PDZD2: variants seen among roughly 807,000 people sequenced by gnomAD.
PDZD2 encodes the protein PDZ domain-containing protein 2.
A neutral mutation model predicts 220.7 loss-of-function variants in PDZD2; 90 were observed. The ratio of observed to expected loss-of-function variants is 0.41; its 90% CI spans 0.34 to 0.49. PDZD2 has a LOEUF of 0.49. Ranked by LOEUF, PDZD2 falls within the 20% of genes least tolerant of loss-of-function variation. The probability of loss-of-function intolerance (pLI) is 0.28; values close to 1 mark genes in which losing one functional copy is unlikely to be tolerated. For synonymous variants in PDZD2, 1,375 were observed against 1,450.5 expected (o/e 0.95, Z 1.18); for missense variants, 3,174 against 3,608.5 (o/e 0.88, Z 3.08).
rs1016336625 is a variant in PDZD2, at chr5:32,087,033, G to A, written c.3683-98G>A. On this transcript the variant is annotated intron_variant, in intron 19 of 24. Coordinates refer to ENST00000438447, the MANE Select transcript of PDZD2 (RefSeq NM_178140.4). The surrounding 1 kb of genome is among the most constrained non-coding windows in gnomAD (Gnocchi z 4.0). ...ATTTGAGGTTGTTTATAATTTTCTAGTTTTTAATAATTGAGGGGCTGCTTT... is the reference window on the plus strand; with the variant it reads ...ATTTGAGGTTGTTTATAATTTTCTAATTTTTAATAATTGAGGGGCTGCTTT... 9.8e-6 allele frequency: 7 copies of A among 715,270 alleles called. No homozygotes were observed. In the African/African-American group the frequency reaches 1.2e-4, roughly 13 times the overall value. 44.3% of individuals were successfully genotyped at this position (715,270 alleles called of 1,614,324 possible). A position where few individuals can be genotyped will look rare whatever the true frequency, so the allele number is the denominator to read the frequency against.
At chr5:31,851,858 A>ATT (rs780980919) in intron 2 of PDZD2, among the ~76,000 whole-genome samples, 7 of 147,816 alleles carry the variant, frequency 4.7e-5, no homozygotes, top group South Asian at 2.1e-4. Context: ...ATGTGGTCAC[A>ATT]TTTTTTTTTT....
intron 1 of PDZD2, among the ~76,000 whole-genome samples, chr5:31,649,937 CAAAAAAAAAAA>C (rs6148975): frequency 3.1e-4 from 23 of 73,492 alleles, no homozygotes; most frequent in East Asian, 1.1e-3. Flanking sequence ...GACTCCGTCT[CAAAAAAAAAAA>C]AAAAAAAAAA....
intron 5 of PDZD2, among the ~76,000 whole-genome samples, chr5:32,009,195 T>A (rs1035029460): frequency 6.6e-6 from 1 of 150,446 alleles, no homozygotes; most frequent in African/African-American, 2.5e-5. Context: ...AATACAAAAA[T>A]TAGCCAGGCA....
intron 2 of PDZD2, among the ~76,000 whole-genome samples, chr5:31,901,188 C>T (rs542404981): frequency 1.4e-4 from 21 of 152,182 alleles, no homozygotes; most frequent in African/African-American, 4.8e-4. Context: ...GAGGCTGAGG[C>T]GGGCAGTTCA....
intron 1 of PDZD2, among the ~76,000 whole-genome samples, chr5:31,748,334 A>G (rs1750725064): frequency 6.6e-6 from 1 of 152,242 alleles, no homozygotes; most frequent in Non-Finnish European, 1.5e-5. Flanking sequence ...CGACTTGCTC[A>G]CAAATTATTT....
intron 2 of PDZD2, among the ~76,000 whole-genome samples, chr5:31,854,448 TCTGACCGGGGATTTCTGGAAAGTTCC>T: frequency 6.6e-6 from 1 of 152,220 alleles, no homozygotes; most frequent in African/African-American, 2.4e-5. Context: ...GCCGAAAGGC[TCTGACCGGGGATTTCTGGAAAGTTCC>T]CTGACATCCT....
chr5:31,976,446 A>G (rs1749770231), intron 2 of PDZD2, among the ~76,000 whole-genome samples: 1 of 152,180 alleles, frequency 6.6e-6, no homozygotes, highest in Admixed American at 6.5e-5. Context: ...TGTGTCCAAC[A>G]AGGTGACTAT....
At chr5:31,672,098 C>T (rs1746237185) in intron 1 of PDZD2, among the ~76,000 whole-genome samples, 1 of 152,112 alleles carries the variant, frequency 6.6e-6, no homozygotes, top group Admixed American at 6.6e-5. Flanking sequence ...ATAGTGATGA[C>T]CAAAAATGTC....
At position 32,108,206 on chromosome 5, in the gene PDZD2, G is replaced by A; in HGVS notation, c.*71G>A. ...ATCAGAGTGACTTCTTTAAACCACAGGTTGTTGAAATGGCCAACACTGGTA... is the reference window on the plus strand; with the variant it reads ...ATCAGAGTGACTTCTTTAAACCACAAGTTGTTGAAATGGCCAACACTGGTA... On this transcript the variant is annotated 3_prime_UTR_variant, in exon 25 of 25. Transcript: ENST00000438447. 1 of 1,113,270 alleles carries A rather than the reference G, an allele frequency of 9.0e-7. No individual in the cohort carries two copies. Among genetic ancestry groups the A allele is most frequent in the South Asian group, 1.6e-5 (1 of 63,416 alleles). The allele number at this position is 1,113,270 out of a possible 1,614,324, so 69.0% of individuals were successfully genotyped here.
Position 32,088,324 on chromosome 5 carries a change from G to C in PDZD2, c.4876G>C (p.Ala1626Pro), listed in dbSNP as rs1271868750. The C allele has an allele frequency of 6.2e-7, 1 of 1,613,896 alleles. No homozygotes were observed. Among genetic ancestry groups the C allele is most frequent in the Non-Finnish European group, 8.5e-7 (1 of 1,180,008 alleles). ...HLPTQAAICP[A>P]SAKVLSLKYS... ...TCCCACCCAGGCTGCCATCTGTCCT[G>C]CCTCAGCCAAAGTTCTGTCATTAAA... Residue 1626 changes from alanine (A) to proline (P), a missense_variant, in exon 20 of 25, where the codon GCC (alanine) becomes CCC (proline). Transcript: ENST00000438447. This position sits in a 1 kb window ranked among gnomAD's most constrained non-coding sequence, Gnocchi z 4.6.
chr5:32,076,413 C>G (rs1241600732), intron 18 of PDZD2, among the ~76,000 whole-genome samples: 2 of 150,772 alleles, frequency 1.3e-5, no homozygotes, highest in Non-Finnish European at 3.0e-5. Flanking sequence ...AGTTAATACT[C>G]TCAGAATGAA....
chr5:32,000,676 A>G lies in PDZD2; in HGVS notation c.1254+405A>G, dbSNP rs1159589049. ...CAGCCACATGCCATCACACCCGGCT[A>G]ATTTTGTATTTTTTATAGAGATGGG... On this transcript the variant is annotated intron_variant, in intron 5 of 24. Coordinates refer to ENST00000438447, the MANE Select transcript of PDZD2 (RefSeq NM_178140.4). This position sits in a 1 kb window ranked among gnomAD's most constrained non-coding sequence, Gnocchi z 4.5. 1.3e-5 allele frequency among the ~76,000 whole-genome samples: 2 copies of G among 151,924 alleles called. No homozygotes were observed. Among genetic ancestry groups the G allele is most frequent in the Non-Finnish European group, 2.9e-5 (2 of 67,986 alleles).
In PDZD2 at chr5:32,056,987, A is replaced by G. The variant is rs150633602; in HGVS notation, c.1901-668A>G. 2.4e-3 allele frequency among the ~76,000 whole-genome samples: 368 copies of G among 152,162 alleles called. 1 individual carries two copies. Among genetic ancestry groups the G allele is most frequent in the African/African-American group, 7.9e-3 (330 of 41,516 alleles). On this transcript the variant is annotated intron_variant, in intron 10 of 24. Transcript: ENST00000438447. ...CGTGCACCTGTATTCCCAGCTATTC[A>G]GGAGGCTGAGGCATGAGAATAGTTT...
intron 2 of PDZD2, among the ~76,000 whole-genome samples, chr5:31,885,569 A>G (rs1740382607): frequency 1.3e-5 from 2 of 152,254 alleles, no homozygotes; most frequent in Admixed American, 1.3e-4. Context: ...ACAGAATACT[A>G]TGTGGCAATT....
intron 2 of PDZD2, among the ~76,000 whole-genome samples, chr5:31,817,658 T>A (rs1166044774): frequency 2.1e-5 from 3 of 141,382 alleles, no homozygotes; most frequent in Admixed American, 6.7e-5. Context: ...TTTATCCATC[T>A]ATCTATCTAT....
At chr5:31,642,815 T>C (rs1271564881) in intron 1 of PDZD2, among the ~76,000 whole-genome samples, 3 of 152,208 alleles carry the variant, frequency 2.0e-5, no homozygotes, top group Non-Finnish European at 2.9e-5. Context: ...GGGGAGGCAT[T>C]TGCTGAGACC....
chr5:32,100,938 G>A (rs1744199313), intron 23 of PDZD2, 167 bp from the exon 24 acceptor site: 3 of 1,599,038 alleles, frequency 1.9e-6, no homozygotes, highest in Non-Finnish European at 2.5e-6. Flanking sequence ...GGCCAACAGT[G>A]CTACTGGGCT....
At chr5:31,984,197 G>A (rs1750530520) in intron 3 of PDZD2, among the ~76,000 whole-genome samples, 1 of 152,320 alleles carries the variant, frequency 6.6e-6, no homozygotes, top group East Asian at 1.9e-4. Context: ...TTACATTGCT[G>A]AGTTCTAGGG....
intron 7 of PDZD2, among the ~76,000 whole-genome samples, chr5:32,043,001 C>G (rs1398441350): frequency 1.3e-5 from 2 of 152,192 alleles, no homozygotes; most frequent in Non-Finnish European, 2.9e-5. Flanking sequence ...GTCACTCAGT[C>G]AATGCCGGGA....
Sources: gnomAD v4.1 joint callset for allele counts (sites outside exome capture counted in the v4.1 genomes callset) on GRCh38, gnomAD v4.1.1 for gene constraint, Gnocchi (gnomAD v3.1) non-coding constraint, MANE v1.5 for transcripts, NCBI Gene and HGNC (gene_info 2026-07-23, HGNC 2026-07-21) for gene names.